Variants in OPRPN observed in about 807,000 individuals in gnomAD.
OPRPN encodes basic proline-rich lacrimal protein.
Under a neutral mutation model 2.2 loss-of-function variants are expected in OPRPN, and 1 was observed. The observed-to-expected ratio is 0.45, with a 90% confidence interval of 0.16 to 2.15. The LOEUF is 2.15. OPRPN is among the 30% of genes most tolerant of loss of function. The probability of loss-of-function intolerance (pLI) is 0.28; values close to 1 mark genes in which losing one functional copy is unlikely to be tolerated. For synonymous variants in OPRPN, 126 were observed against 111.5 expected (o/e 1.13, Z -0.82); for missense variants, 306 against 297.3 (o/e 1.03, Z -0.21).
chr4:70,410,195 A>G lies in OPRPN; in HGVS notation c.*120A>G. 4 of 653,168 alleles carry G rather than the reference A, an allele frequency of 6.1e-6. No homozygotes were observed. The highest frequency in any genetic ancestry group is 5.8e-5 in the East Asian group (2 of 34,418). The allele number at this position is 653,168 out of a possible 1,614,324, so 40.5% of individuals were successfully genotyped here. A position where few individuals can be genotyped will look rare whatever the true frequency, so the allele number is the denominator to read the frequency against. On this transcript the variant is annotated 3_prime_UTR_variant, in exon 3 of 3. Coordinates refer to ENST00000399575, the MANE Select transcript of OPRPN (RefSeq NM_021225.5). The stretch of plus-strand genomic sequence containing the variant: ...CACTAAATAAAGTATTTGAGCAATA[A>G]TATGCACCTATTGCTATCATTATGA...
intron 2 of OPRPN, among the ~76,000 whole-genome samples, chr4:70,402,939 G>C (rs1488341920): frequency 2.6e-5 from 4 of 151,974 alleles, no homozygotes; most frequent in African/African-American, 7.2e-5. Flanking sequence ...AGGTCTCATG[G>C]GCTTTTGCAG....
intron 2 of OPRPN, among the ~76,000 whole-genome samples, chr4:70,405,191 A>G (rs1733062738): frequency 6.6e-6 from 1 of 152,184 alleles, no homozygotes; most frequent in African/African-American, 2.4e-5. Context: ...CCCCAAATGT[A>G]GACTCCTTAA....
In OPRPN at chr4:70,409,999, C is replaced by A. The variant is rs766684267; in HGVS notation, c.671C>A (p.Thr224Lys). Residue 224 changes from threonine (T) to lysine (K), a missense_variant, in exon 3 of 3, where the codon ACG becomes AAG. Physicochemically the swap from Thr to Lys is moderately conservative, Grantham distance 78 (BLOSUM62 -1). Coordinates refer to ENST00000399575, the MANE Select transcript of OPRPN (RefSeq NM_021225.5). The part of the protein sequence containing the change: ...TVLLNATVQV[T>K]TSNQTILSSP... ...TTGCTCAATGCCACTGTCCAAGTTA[C>A]GACTTCCAACCAAACTATATTAAGC... The A allele has an allele frequency of 2.5e-6, 4 of 1,612,228 alleles. 1 individual carries two copies. The highest frequency in any genetic ancestry group is 8.5e-7 in the Non-Finnish European group (1 of 1,179,386).
intron 2 of OPRPN, 29 bp from the exon 3 acceptor site, chr4:70,409,347 TTTTG>T: frequency 1.3e-6 from 2 of 1,514,512 alleles, no homozygotes; most frequent in Middle Eastern, 3.6e-4. Flanking sequence ...AATTTAGAAA[TTTTG>T]TTTTTTACCT....
intron 1 of OPRPN, among the ~76,000 whole-genome samples, chr4:70,398,483 T>C (rs1168404714): frequency 2.0e-5 from 3 of 151,856 alleles, no homozygotes; most frequent in African/African-American, 7.2e-5. Context: ...CATACAACTA[T>C]AGGATCTGTC....
At position 70,399,346 on chromosome 4, in the gene OPRPN, C is replaced by T. The variant is rs181674068; in HGVS notation, c.51+10C>T. On this transcript the variant is annotated intron_variant, in intron 2 of 2. Coordinates refer to ENST00000399575, the MANE Select transcript of OPRPN (RefSeq NM_021225.5). ...TATTTCATGTTTCACAGTAAGTTCCCTCAATTCTAAATTTACTTGTTATAT... is the reference window on the plus strand; with the variant it reads ...TATTTCATGTTTCACAGTAAGTTCCTTCAATTCTAAATTTACTTGTTATAT... The T allele has an allele frequency of 1.6e-4, 244 of 1,571,136 alleles. No homozygotes were observed. In the African/African-American group the frequency reaches 2.9e-3, roughly 19 times the overall value.
intron 2 of OPRPN, among the ~76,000 whole-genome samples, chr4:70,404,842 C>T (rs1247158685): frequency 6.6e-6 from 1 of 152,090 alleles, no homozygotes; most frequent in East Asian, 1.9e-4. Context: ...AAATGTTTTA[C>T]AAATAAATAA....
chr4:70,400,361 C>G (rs1425212331), intron 2 of OPRPN, among the ~76,000 whole-genome samples: 5 of 151,792 alleles, frequency 3.3e-5, no homozygotes, highest in Non-Finnish European at 5.9e-5. Context: ...TTTTCTGAAG[C>G]ATTTTTTGAT....
chr4:70,402,333 AT>A (rs1427243881), intron 2 of OPRPN, among the ~76,000 whole-genome samples: 2 of 152,086 alleles, frequency 1.3e-5, no homozygotes, highest in Non-Finnish European at 2.9e-5. Flanking sequence ...CAACTGAGAA[AT>A]CAAACAGAGA....
rs376344782 is a variant in OPRPN, at chr4:70,404,276, A to G, written c.51+4940A>G. Reference sequence around the variant, plus strand: ...CTTTTTCCTCAACTCCACTCTCCTGATTTTTCTCCTACTTCAATGACGACT... The same window carrying G: ...CTTTTTCCTCAACTCCACTCTCCTGGTTTTTCTCCTACTTCAATGACGACT... On this transcript the variant is annotated intron_variant, in intron 2 of 2. Coordinates refer to ENST00000399575, the MANE Select transcript of OPRPN (RefSeq NM_021225.5). 4.6e-4 allele frequency among the ~76,000 whole-genome samples: 70 copies of G among 151,972 alleles called. 2 individuals carry two copies. In the South Asian group the frequency reaches 0.014, roughly 31 times the overall value.
intron 2 of OPRPN, among the ~76,000 whole-genome samples, chr4:70,407,824 G>T (rs749241657): frequency 5.9e-5 from 9 of 152,194 alleles, no homozygotes; most frequent in Non-Finnish European, 1.3e-4. Context: ...GAAGAGACTG[G>T]TCTTAAACAG....
chr4:70,404,193 T>A (rs958500081), intron 2 of OPRPN, among the ~76,000 whole-genome samples: 1 of 152,170 alleles, frequency 6.6e-6, no homozygotes, highest in African/African-American at 2.4e-5. Flanking sequence ...TCAGTCCCCA[T>A]GATAATTATG....
chr4:70,406,470 A>C (rs568802854), intron 2 of OPRPN, among the ~76,000 whole-genome samples: 1 of 152,328 alleles, frequency 6.6e-6, no homozygotes, highest in Admixed American at 6.5e-5. Context: ...ATTTTGGCTG[A>C]TTTTATATTG....
At position 70,409,488 on chromosome 4, in the gene OPRPN, G is replaced by T; in HGVS notation, c.160G>T (p.Asp54Tyr). 2.5e-6 allele frequency: 4 copies of T among 1,613,848 alleles called. No individual in the cohort carries two copies. Among genetic ancestry groups the T allele is most frequent in the East Asian group, 2.2e-5 (1 of 44,860 alleles). The stretch of plus-strand genomic sequence containing the variant: ...TCCACCAAGTCCCCCACCTCCCTAT[G>T]ACTCAAGACTTAATTCACCACTTTC... ...WVPPSPPPPY[D>Y]SRLNSPLSLP... Residue 54 changes from aspartate (D) to tyrosine (Y), a missense_variant, in exon 3 of 3, where the codon GAC becomes TAC. Coordinates refer to ENST00000399575, the MANE Select transcript of OPRPN (RefSeq NM_021225.5).
chr4:70,404,346 C>T (rs1301321207), intron 2 of OPRPN, among the ~76,000 whole-genome samples: 1 of 152,134 alleles, frequency 6.6e-6, no homozygotes, highest in African/African-American at 2.4e-5. Context: ...TTCCTGATCT[C>T]TAAATGTCAG....
intron 2 of OPRPN, among the ~76,000 whole-genome samples, chr4:70,405,922 G>C (rs1733079922): frequency 6.6e-6 from 1 of 150,484 alleles, no homozygotes; most frequent in African/African-American, 2.4e-5. Flanking sequence ...AAAAAAAATA[G>C]CCAGGTATGG....
intron 1 of OPRPN, 27 bp downstream of exon 1, chr4:70,398,067 G>T (rs898710064): frequency 6.6e-6 from 1 of 151,796 alleles, no homozygotes; most frequent in African/African-American, 2.4e-5. Context: ...ATAAATGTAA[G>T]AATTTTCACT....
Position 70,410,034 on chromosome 4 carries a change from T to C in OPRPN, c.706T>C (p.Phe236Leu). 5 of 1,567,792 alleles carry C rather than the reference T, an allele frequency of 3.2e-6. No homozygotes were observed. Among genetic ancestry groups the C allele is most frequent in the Middle Eastern group, 1.7e-4 (1 of 5,804 alleles). Residue 236 changes from phenylalanine to leucine, a missense_variant, in exon 3 of 3, where the codon TTT becomes CTT. By Grantham distance (22) the Phe-to-Leu change is conservative. Transcript: ENST00000399575. ...CCAAACTATATTAAGCAGCCCAGCC[T>C]TTAAAAGTTTTTGGCAAAAACTCTT... ...SNQTILSSPAFKSFWQKLFAI... is the reference protein window; with the variant it reads ...SNQTILSSPALKSFWQKLFAI...
At chr4:70,399,800 T>C (rs1732933628) in intron 2 of OPRPN, among the ~76,000 whole-genome samples, 1 of 151,912 alleles carries the variant, frequency 6.6e-6, no homozygotes, top group South Asian at 2.1e-4. Flanking sequence ...TTATTGAAAA[T>C]ATTTATAAAA....
Sources: allele counts gnomAD v4.1 joint callset (sites outside exome capture counted in the v4.1 genomes callset), GRCh38; gene constraint gnomAD v4.1.1; transcripts MANE v1.5; gene names NCBI Gene and HGNC (gene_info 2026-07-23, HGNC 2026-07-21).